Variants in GSDMC observed in about 807,000 individuals in gnomAD.
The protein encoded by GSDMC is gasdermin C, also known as gasdermin-C.
Under a neutral mutation model 58.0 loss-of-function variants are expected in GSDMC, and 59 were observed. That is an observed-to-expected ratio of 1.02 (90% CI 0.82 to 1.26). The LOEUF (loss-of-function observed/expected upper bound fraction) is 1.26, where lower values mean the gene tolerates loss of function less well. Among genes scored for constraint, GSDMC ranks in the 50% most tolerant of loss-of-function variants. The pLI is 0.00. For synonymous variants in GSDMC, 241 were observed against 220.2 expected, an observed-to-expected ratio of 1.09 and a Z score of -0.83; for missense variants, 659 against 598.5, an observed-to-expected ratio of 1.10 and a Z score of -1.06.
chr8:129,729,232 T>G, the GSDMC span: 6 of 641,982 alleles, frequency 9.3e-6, no homozygotes, highest in Non-Finnish European at 1.8e-5. Flanking sequence ...TGGAATATTT[T>G]CCAAGTGAAA....
the GSDMC span, among the ~76,000 whole-genome samples, chr8:129,712,886 G>C: frequency 3.9e-5 from 6 of 152,250 alleles, no homozygotes; most frequent in Admixed American, 3.9e-4. Context: ...ACGAGGCTGA[G>C]AGGTTCCAGC....
At chr8:129,739,736 T>A in the GSDMC span, among the ~76,000 whole-genome samples, 1 of 152,242 alleles carries the variant, frequency 6.6e-6, no homozygotes, top group Non-Finnish European at 1.5e-5. Context: ...TAATACAGAA[T>A]ACTTGCTAAT....
intron 3 of GSDMC, among the ~76,000 whole-genome samples, chr8:129,772,743 A>T (rs2034103670): frequency 6.6e-6 from 1 of 152,228 alleles, no homozygotes; most frequent in South Asian, 2.1e-4. Flanking sequence ...TTGAAGAGGA[A>T]AGAATAATTC....
chr8:129,749,173 G>A (rs1193276099), intron 13 of GSDMC, among the ~76,000 whole-genome samples: 4 of 152,070 alleles, frequency 2.6e-5, no homozygotes, highest in Non-Finnish European at 4.4e-5. Flanking sequence ...TATCCCCTTA[G>A]ACCTCAAAGT....
At chr8:129,779,293 A>G (rs1312707994) in intron 1 of GSDMC, among the ~76,000 whole-genome samples, 2 of 152,152 alleles carry the variant, frequency 1.3e-5, no homozygotes, top group African/African-American at 4.8e-5. Flanking sequence ...AAAGAACAAG[A>G]TCAAGAACAG....
chr8:129,743,527 C>A (rs541444316), downstream of GSDMC, among the ~76,000 whole-genome samples: 4 of 152,214 alleles, frequency 2.6e-5, no homozygotes, highest in Non-Finnish European at 5.9e-5. Context: ...ATCAGCTAAC[C>A]CACCATCGTC....
At chr8:129,735,332 C>T in the GSDMC span, among the ~76,000 whole-genome samples, 5 of 152,304 alleles carry the variant, frequency 3.3e-5, no homozygotes, top group African/African-American at 1.2e-4. Context: ...GAACTCTCCA[C>T]CCCAAATCAA....
intron 2 of GSDMC, 122 bp from the exon 3 acceptor site, chr8:129,776,407 C>A: frequency 1.6e-6 from 1 of 635,786 alleles, no homozygotes; most frequent in Non-Finnish European, 2.6e-6. Flanking sequence ...CCAATCCTCC[C>A]ACTCACTTAA....
chr8:129,712,115 A>G, the GSDMC span, among the ~76,000 whole-genome samples: 1 of 152,206 alleles, frequency 6.6e-6, no homozygotes, highest in African/African-American at 2.4e-5. Context: ...TTAATTAATT[A>G]AGAATAATAA....
chr8:129,749,924 C>T lies in GSDMC; in HGVS notation c.1213+66G>A, dbSNP rs1445191449. The T allele has an allele frequency of 6.6e-6, 9 of 1,371,834 alleles. No homozygotes were observed. In the Admixed American group the frequency reaches 2.0e-4, roughly 30 times the overall value. 85.0% of individuals were successfully genotyped at this position (1,371,834 alleles called of 1,614,324 possible). A position where few individuals can be genotyped will look rare whatever the true frequency, so the allele number is the denominator to read the frequency against. On this transcript the variant is annotated intron_variant, in intron 12 of 13. Transcript: ENST00000276708. ...GGCTTTGGAGACACAGCATCTAACA[C>T]AGCTTTTTGCGGGTCCTGGGGACCA...
intron 3 of GSDMC, among the ~76,000 whole-genome samples, chr8:129,774,491 A>G (rs1600934): frequency 0.2 from 30,104 of 150,964 alleles, 3,109 homozygotes; most frequent in African/African-American, 0.22. Flanking sequence ...TGGTTATGGC[A>G]ACAATTTGTT....
chr8:129,757,803 C>A (rs1285750761), intron 6 of GSDMC, among the ~76,000 whole-genome samples: 1 of 152,028 alleles, frequency 6.6e-6, no homozygotes. Flanking sequence ...CCAGCCTGGG[C>A]AACATGGTGA....
At chr8:129,712,577 G>T in the GSDMC span, among the ~76,000 whole-genome samples, 9 of 152,196 alleles carry the variant, frequency 5.9e-5, no homozygotes, top group East Asian at 1.9e-4. Flanking sequence ...TTGGGCTGCA[G>T]CTCCAGGACA....
the GSDMC span, among the ~76,000 whole-genome samples, chr8:129,723,895 A>T: frequency 6.6e-6 from 1 of 152,208 alleles, no homozygotes; most frequent in Non-Finnish European, 1.5e-5. Flanking sequence ...ACTCTCAGTG[A>T]GGAAAGAATG....
chr8:129,709,556 A>G, the GSDMC span, among the ~76,000 whole-genome samples: 29 of 151,114 alleles, frequency 1.9e-4, no homozygotes, highest in South Asian at 1.7e-3. Context: ...TAATAGATAG[A>G]TAGATGGTAG....
chr8:129,716,951 A>T, the GSDMC span, among the ~76,000 whole-genome samples: 1 of 152,230 alleles, frequency 6.6e-6, no homozygotes, highest in African/African-American at 2.4e-5. Flanking sequence ...GCAGGCTTGC[A>T]TCCCAGGGAT....
At chr8:129,769,315 G>A (rs951901307) in intron 3 of GSDMC, among the ~76,000 whole-genome samples, 3 of 152,146 alleles carry the variant, frequency 2.0e-5, no homozygotes, top group Non-Finnish European at 4.4e-5. Context: ...GAGTATCTAA[G>A]AGACAATCGC....
At chr8:129,709,301 AGTG>A in the GSDMC span, among the ~76,000 whole-genome samples, 1 of 152,134 alleles carries the variant, frequency 6.6e-6, no homozygotes, top group South Asian at 2.1e-4. Flanking sequence ...AAGTCTCAGT[AGTG>A]TTTGTTTACT....
chr8:129,766,952 G>A (rs1158059248), intron 3 of GSDMC, among the ~76,000 whole-genome samples: 3 of 152,196 alleles, frequency 2.0e-5, no homozygotes, highest in Non-Finnish European at 2.9e-5. Context: ...CAAGGCTTCA[G>A]CAATCACTGC....
Sources: allele counts gnomAD v4.1 joint callset (sites outside exome capture counted in the v4.1 genomes callset), GRCh38; gene constraint gnomAD v4.1.1; transcripts MANE v1.5; gene names NCBI Gene and HGNC (gene_info 2026-07-23, HGNC 2026-07-21).